UBAC2: variants seen among roughly 807,000 people sequenced by gnomAD.
The protein encoded by UBAC2 is UBA domain containing 2.
In UBAC2, 26 loss-of-function variants were observed where a neutral mutation model predicts 44.0. The ratio of observed to expected loss-of-function variants is 0.59; its 90% CI spans 0.43 to 0.82. UBAC2 has a LOEUF of 0.82. Among genes scored for constraint, UBAC2 ranks in the 40% least tolerant of loss-of-function variants. The probability of loss-of-function intolerance (pLI) is 0.00; values close to 1 mark genes in which losing one functional copy is unlikely to be tolerated. For missense variants in UBAC2, 329 were observed against 419.4 expected (o/e 0.78, Z 1.88); for synonymous variants, 155 against 154.3 (o/e 1.00, Z -0.04).
intron 1 of UBAC2, among the ~76,000 whole-genome samples, chr13:99,224,031 C>T (rs939054493): frequency 6.6e-5 from 10 of 152,120 alleles, no homozygotes; most frequent in Admixed American, 5.9e-4. Context: ...TCTTGTGTAT[C>T]CTTACTGATT....
chr13:99,304,058 G>C (rs982260462), intron 4 of UBAC2, among the ~76,000 whole-genome samples: 1 of 152,100 alleles, frequency 6.6e-6, no homozygotes, highest in Non-Finnish European at 1.5e-5. Context: ...CTCAAACGGG[G>C]CCCATCCAAC....
At chr13:99,302,415 G>C (rs1224034968) in intron 4 of UBAC2, among the ~76,000 whole-genome samples, 3 of 152,184 alleles carry the variant, frequency 2.0e-5, no homozygotes, top group Non-Finnish European at 2.9e-5. Context: ...GCAAGCTGGG[G>C]CTGTTTCAGC....
At chr13:99,241,671 T>C (rs2043301451) in intron 2 of UBAC2, among the ~76,000 whole-genome samples, 1 of 152,058 alleles carries the variant, frequency 6.6e-6, no homozygotes, top group Admixed American at 6.5e-5. Flanking sequence ...GGGTGTACAA[T>C]ATTGTGAATT....
At chr13:99,285,899 C>G (rs893853126) in intron 4 of UBAC2, among the ~76,000 whole-genome samples, 1 of 152,144 alleles carries the variant, frequency 6.6e-6, no homozygotes, top group African/African-American at 2.4e-5. Flanking sequence ...TTCTACACAT[C>G]CAACGGGGTG....
At chr13:99,329,339 G>C (rs1036353486) in intron 6 of UBAC2, among the ~76,000 whole-genome samples, 1 of 152,210 alleles carries the variant, frequency 6.6e-6, no homozygotes, top group Non-Finnish European at 1.5e-5. Flanking sequence ...GGGGAAAAGA[G>C]TTAAGATTTT....
intron 8 of UBAC2, chr13:99,377,542 T>C (rs575296077): frequency 1.3e-5 from 2 of 152,312 alleles, no homozygotes; most frequent in South Asian, 4.1e-4. Context: ...GTGCTTTCGA[T>C]AGGGAGAGAG....
intron 5 of UBAC2, among the ~76,000 whole-genome samples, chr13:99,315,205 C>T (rs2044472360): frequency 6.6e-6 from 1 of 152,106 alleles, no homozygotes; most frequent in Non-Finnish European, 1.5e-5. Flanking sequence ...TTACACGCCC[C>T]CTGATCCTAC....
At chr13:99,347,378 T>C (rs1037670696) in intron 7 of UBAC2, among the ~76,000 whole-genome samples, 2 of 120,462 alleles carry the variant, frequency 1.7e-5, no homozygotes, top group African/African-American at 6.3e-5. Context: ...AGACCACCAC[T>C]GGATTCAGCA....
At chr13:99,275,104 G>A (rs963189126) in intron 4 of UBAC2, among the ~76,000 whole-genome samples, 1 of 152,192 alleles carries the variant, frequency 6.6e-6, no homozygotes, top group Non-Finnish European at 1.5e-5. Flanking sequence ...GAATCATAGT[G>A]TATACATATG....
chr13:99,282,272 T>C (rs1047818203), intron 4 of UBAC2, among the ~76,000 whole-genome samples: 6 of 152,202 alleles, frequency 3.9e-5, no homozygotes, highest in African/African-American at 1.2e-4. Context: ...TGCATGATGC[T>C]GGGTGGTAGA....
At position 99,281,364 on chromosome 13, in the gene UBAC2, T is replaced by C. The variant is rs543089011; in HGVS notation, c.390-32733T>C. Among the ~76,000 whole-genome samples, 28 of 152,300 alleles carry C rather than the reference T, an allele frequency of 1.8e-4. 1 individual carries two copies. The South Asian group carries it at 2.9e-3, about 16-fold the overall frequency. ...GAAGCATATAATCCATTCATTCTTA[T>C]ATTCACAAGATATCTCCTTTCTCAA... On this transcript the variant is annotated intron_variant, in intron 4 of 8. Coordinates refer to ENST00000403766, the MANE Select transcript of UBAC2 (RefSeq NM_001144072.2).
At chr13:99,367,057 G>A (rs2045340620) in intron 7 of UBAC2, among the ~76,000 whole-genome samples, 1 of 152,114 alleles carries the variant, frequency 6.6e-6, no homozygotes, top group Non-Finnish European at 1.5e-5. Flanking sequence ...TTTTTTTAAA[G>A]CAGCATGTGA....
chr13:99,317,038 A>T (rs915053202), intron 5 of UBAC2, among the ~76,000 whole-genome samples: 1 of 152,250 alleles, frequency 6.6e-6, no homozygotes, highest in Admixed American at 6.5e-5. Flanking sequence ...TCAAAGGTTC[A>T]GATTTAAAGT....
chr13:99,377,678 C>T (rs7325747), intron 8 of UBAC2: 20,351 of 152,190 alleles, frequency 0.13, 1,603 homozygotes, highest in East Asian at 0.32. Context: ...TTATGCTCAC[C>T]ATTTAAAAAG....
chr13:99,255,217 G>A lies in UBAC2; in HGVS notation c.389+10593G>A, dbSNP rs778649813. The A allele has an allele frequency of 2.0e-5, 33 of 1,614,066 alleles. No individual in the cohort carries two copies. Among genetic ancestry groups the A allele is most frequent in the African/African-American group, 6.7e-5 (5 of 74,994 alleles). On this transcript the variant is annotated intron_variant, in intron 4 of 8. Coordinates refer to ENST00000403766, the MANE Select transcript of UBAC2 (RefSeq NM_001144072.2). ...CTTGACTTTGGGTTTCAGCTTAGACGTCCTGCCGTGAAGGAGATTATGAAT... is the reference window on the plus strand; with the variant it reads ...CTTGACTTTGGGTTTCAGCTTAGACATCCTGCCGTGAAGGAGATTATGAAT...
chr13:99,365,721 A>ATG (rs1192397439), intron 7 of UBAC2, among the ~76,000 whole-genome samples: 1 of 152,210 alleles, frequency 6.6e-6, no homozygotes, highest in East Asian at 1.9e-4. Context: ...ATGGAAAAGA[A>ATG]TGTATATTCT....
chr13:99,320,852 C>T (rs1247370868), intron 6 of UBAC2, among the ~76,000 whole-genome samples: 1 of 152,258 alleles, frequency 6.6e-6, no homozygotes, highest in African/African-American at 2.4e-5. Flanking sequence ...AAGCCACAGT[C>T]TGCCTATTCC....
At chr13:99,285,470 G>A (rs1011904888) in intron 4 of UBAC2, among the ~76,000 whole-genome samples, 2 of 151,318 alleles carry the variant, frequency 1.3e-5, no homozygotes, top group African/African-American at 4.9e-5. Flanking sequence ...GTAGCTCACT[G>A]TAACGTCAAA....
chr13:99,269,772 A>G (rs555566572), intron 4 of UBAC2, among the ~76,000 whole-genome samples: 1 of 152,326 alleles, frequency 6.6e-6, no homozygotes, highest in African/African-American at 2.4e-5. Context: ...CCTTTCTGAA[A>G]TGAGCATGCT....
Sources: allele counts gnomAD v4.1 joint callset (sites outside exome capture counted in the v4.1 genomes callset), GRCh38; gene constraint gnomAD v4.1.1; transcripts MANE v1.5; gene names NCBI Gene and HGNC (gene_info 2026-07-23, HGNC 2026-07-21).